Variants in NPAS3 observed in about 807,000 individuals in gnomAD.
NPAS3 encodes neuronal PAS domain-containing protein 3.
NPAS3 carries 14 observed loss-of-function variants against 73.1 expected under a neutral mutation model. That is an observed-to-expected ratio of 0.19 (90% CI 0.13 to 0.30). NPAS3 has a LOEUF of 0.30. NPAS3 is among the 10% of genes least tolerant of loss of function. The pLI is 1.00. For missense variants in NPAS3, 1,096 were observed against 1,250.0 expected (o/e 0.88, Z 1.86); for synonymous variants, 620 against 541.5 (o/e 1.14, Z -2.01).
At chr14:33,394,809 T>G (rs2047153100) in intron 4 of NPAS3, among the ~76,000 whole-genome samples, 1 of 152,110 alleles carries the variant, frequency 6.6e-6, no homozygotes, top group East Asian at 1.9e-4. Flanking sequence ...ATCGATCAGG[T>G]TGATAAGTGC....
intron 3 of NPAS3, among the ~76,000 whole-genome samples, chr14:33,305,305 G>C (rs1566779074): frequency 6.6e-6 from 1 of 151,932 alleles, no homozygotes; most frequent in Non-Finnish European, 1.5e-5. Flanking sequence ...AAAATAATTA[G>C]AATAATTTAT....
At chr14:33,363,160 G>A (rs191358810) in intron 3 of NPAS3, among the ~76,000 whole-genome samples, 10 of 152,276 alleles carry the variant, frequency 6.6e-5, no homozygotes, top group East Asian at 1.9e-4. Context: ...CCCACTGAGC[G>A]TTAATCCTCA....
intron 1 of NPAS3, among the ~76,000 whole-genome samples, chr14:32,978,954 C>T (rs1417396056): frequency 6.6e-6 from 1 of 152,068 alleles, no homozygotes; most frequent in Non-Finnish European, 1.5e-5. Flanking sequence ...CATCTGTCTG[C>T]TTGTGTTTGT....
intron 4 of NPAS3, among the ~76,000 whole-genome samples, chr14:33,559,676 A>G (rs2055539052): frequency 6.6e-6 from 1 of 152,238 alleles, no homozygotes; most frequent in African/African-American, 2.4e-5. Context: ...GTATAATGCA[A>G]TATTAAAAGA....
chr14:33,461,286 G>A (rs2050253442), intron 4 of NPAS3, among the ~76,000 whole-genome samples: 1 of 152,118 alleles, frequency 6.6e-6, no homozygotes, highest in Admixed American at 6.5e-5. Flanking sequence ...TGCTTTTCAG[G>A]GTCTGGGAGA....
intron 4 of NPAS3, among the ~76,000 whole-genome samples, chr14:33,488,382 G>A (rs2051715398): frequency 6.6e-6 from 1 of 152,012 alleles, no homozygotes; most frequent in South Asian, 2.1e-4. Context: ...ACAATGGAAA[G>A]CATGCAAGTG....
At chr14:33,393,145 G>A (rs1292571417) in intron 4 of NPAS3, among the ~76,000 whole-genome samples, 1 of 152,146 alleles carries the variant, frequency 6.6e-6, no homozygotes, top group East Asian at 1.9e-4. Context: ...GTTGAGGGAA[G>A]TGAGGGGTGG....
intron 1 of NPAS3, among the ~76,000 whole-genome samples, chr14:32,993,719 T>C (rs2038435013): frequency 1.3e-5 from 2 of 152,230 alleles, no homozygotes; most frequent in Non-Finnish European, 2.9e-5. Context: ...AAATTAAGCA[T>C]TCTTTCCAAT....
intron 4 of NPAS3, among the ~76,000 whole-genome samples, chr14:33,556,214 C>T (rs146949682): frequency 1.1e-4 from 16 of 152,284 alleles, no homozygotes; most frequent in East Asian, 3.9e-4. Flanking sequence ...GAAATCTGAA[C>T]CTCATGTTAA....
chr14:33,484,545 T>C (rs1263498537), intron 4 of NPAS3, among the ~76,000 whole-genome samples: 1 of 152,136 alleles, frequency 6.6e-6, no homozygotes, highest in Admixed American at 6.5e-5. Context: ...AACACAGGCA[T>C]AGTGGTTCCT....
chr14:33,658,009 C>A (rs767456828), intron 5 of NPAS3, among the ~76,000 whole-genome samples: 1 of 152,264 alleles, frequency 6.6e-6, no homozygotes, highest in Non-Finnish European at 1.5e-5. Flanking sequence ...AGCCACACTC[C>A]TTTCCCGCCT....
downstream of NPAS3, chr14:33,801,323 G>T (rs2063710819): frequency 3.3e-6 from 3 of 898,918 alleles, no homozygotes; most frequent in Admixed American, 3.1e-5. Context: ...CAGACGACCA[G>T]TTGCCTGCCG....
intron 4 of NPAS3, among the ~76,000 whole-genome samples, chr14:33,416,417 G>A (rs1310257538): frequency 1.3e-5 from 2 of 151,908 alleles, no homozygotes; most frequent in Admixed American, 6.6e-5. Context: ...CTTCCATAAC[G>A]TGTTTCTGGT....
chr14:33,454,708 G>A (rs1437283040), intron 4 of NPAS3, among the ~76,000 whole-genome samples: 1 of 152,156 alleles, frequency 6.6e-6, no homozygotes, highest in African/African-American at 2.4e-5. Context: ...GGGGATTCGG[G>A]AAATAAACCG....
Position 32,994,588 on chromosome 14 carries a change from A to G in NPAS3, c.50+55222A>G, listed in dbSNP as rs545482733. 1.7e-3 allele frequency among the ~76,000 whole-genome samples: 265 copies of G among 151,636 alleles called. 3 individuals carry two copies. The East Asian group carries it at 0.024, about 13-fold the overall frequency. On this transcript the variant is annotated intron_variant, in intron 1 of 11. Transcript: ENST00000356141. ...ACTGGGAACTTAAATTAAAAAAAAAAATTGGATAGGCTCGCCATTCTAGTT... is the reference window on the plus strand; with the variant it reads ...ACTGGGAACTTAAATTAAAAAAAAAGATTGGATAGGCTCGCCATTCTAGTT...
intron 6 of NPAS3, among the ~76,000 whole-genome samples, chr14:33,709,285 A>AT (rs1269857583): frequency 3.2e-4 from 48 of 152,344 alleles, no homozygotes; most frequent in African/African-American, 1.1e-3. Flanking sequence ...TAGGAGGTTA[A>AT]TCAGCTTCTT....
chr14:33,432,557 C>T (rs2048826805), intron 4 of NPAS3, among the ~76,000 whole-genome samples: 1 of 152,184 alleles, frequency 6.6e-6, no homozygotes, highest in South Asian at 2.1e-4. Flanking sequence ...GTTGACTCCA[C>T]TTTGAACAGT....
At chr14:33,445,331 A>G (rs1354951200) in intron 4 of NPAS3, among the ~76,000 whole-genome samples, 1 of 152,234 alleles carries the variant, frequency 6.6e-6, no homozygotes, top group African/African-American at 2.4e-5. Flanking sequence ...TATTCGTAGC[A>G]AAACCTCTGT....
chr14:33,753,358 T>TTAAAAAAAAA (rs1219013158), intron 7 of NPAS3, among the ~76,000 whole-genome samples: 1 of 129,440 alleles, frequency 7.7e-6, no homozygotes, highest in African/African-American at 2.8e-5. Flanking sequence ...GTTAAATTGA[T>TTAAAAAAAAA]AAAAAAAAAA....
Sources: gnomAD v4.1 joint callset for allele counts (sites outside exome capture counted in the v4.1 genomes callset) on GRCh38, gnomAD v4.1.1 for gene constraint, MANE v1.5 for transcripts, NCBI Gene and HGNC (gene_info 2026-07-23, HGNC 2026-07-21) for gene names.